RAB11FIP4: variants seen among roughly 807,000 people sequenced by gnomAD.
RAB11FIP4 encodes rab11 family-interacting protein 4.
In RAB11FIP4, 23 loss-of-function variants were observed where a neutral mutation model predicts 74.3. The observed-to-expected ratio is 0.31, with a 90% CI of 0.22 to 0.44. RAB11FIP4 has a LOEUF of 0.44. Among genes scored for constraint, RAB11FIP4 ranks in the 20% least tolerant of loss-of-function variants. RAB11FIP4 has a pLI of 1.00. For missense variants in RAB11FIP4, 630 were observed against 863.9 expected, an observed-to-expected ratio of 0.73 and a Z score of 3.39; for synonymous variants, 360 against 359.9, an observed-to-expected ratio of 1.00 and a Z score of 0.00.
intron 2 of RAB11FIP4, among the ~76,000 whole-genome samples, chr17:31,433,791 CCT>C (rs1484767089): frequency 1.1e-4 from 16 of 152,214 alleles, no homozygotes; most frequent in Admixed American, 1.0e-3. Context: ...CCCAGCCTGC[CCT>C]CTGTGTGTGG....
chr17:31,468,741 A>G lies in RAB11FIP4; in HGVS notation c.336+34619A>G, dbSNP rs191715589. Among the ~76,000 whole-genome samples, 109 of 152,114 alleles carry G rather than the reference A, an allele frequency of 7.2e-4. 2 individuals are homozygous for G. In the East Asian group the frequency reaches 0.02, roughly 28 times the overall value. On this transcript the variant is annotated intron_variant, in intron 3 of 14. Coordinates refer to ENST00000621161, the MANE Select transcript of RAB11FIP4 (RefSeq NM_032932.6). ...GCTACTCAGGAGGCTGAGGCAGGAG[A>G]ATCGCTTGAACCCAGGAGGCGGAGG...
At position 31,532,446 on chromosome 17, in the gene RAB11FIP4, G is replaced by A. The variant is rs7221407; in HGVS notation, c.*714G>A. The A allele has an allele frequency of 0.1, 15,842 of 152,614 alleles. 1,189 individuals carry two copies. The highest frequency in any genetic ancestry group is 0.22 in the African/African-American group (9,004 of 41,468). 9.5% of individuals were successfully genotyped at this position (152,614 alleles called of 1,614,324 possible). A position where few individuals can be genotyped will look rare whatever the true frequency, so the allele number is the denominator to read the frequency against. Reference sequence around the variant, plus strand: ...CCCCATCCATGCTACCTACCTCCCCGTTTCTGTTTCAGTTTTAAGACAATG... The same window carrying A: ...CCCCATCCATGCTACCTACCTCCCCATTTCTGTTTCAGTTTTAAGACAATG... On this transcript the variant is annotated 3_prime_UTR_variant, in exon 15 of 15. Transcript: ENST00000621161.
chr17:31,425,549 A>G (rs887888898), intron 1 of RAB11FIP4, among the ~76,000 whole-genome samples: 15 of 152,222 alleles, frequency 9.9e-5, no homozygotes, highest in African/African-American at 3.6e-4. Context: ...ATCTGGTCTG[A>G]GCTAGAAGAG....
chr17:31,496,561 T>C (rs996743465), intron 3 of RAB11FIP4, among the ~76,000 whole-genome samples: 7 of 152,182 alleles, frequency 4.6e-5, no homozygotes, highest in Non-Finnish European at 1.0e-4. Flanking sequence ...TTTGCCTGAG[T>C]TTTCATTTTC....
At chr17:31,501,558 T>G (rs1334588230) in intron 3 of RAB11FIP4, among the ~76,000 whole-genome samples, 2 of 152,196 alleles carry the variant, frequency 1.3e-5, no homozygotes, top group Non-Finnish European at 2.9e-5. Context: ...AGATGGAGTC[T>G]GGCTCTGTTG....
intron 13 of RAB11FIP4, among the ~76,000 whole-genome samples, chr17:31,529,019 T>A (rs1220425038): frequency 6.6e-6 from 1 of 151,840 alleles, no homozygotes; most frequent in Non-Finnish European, 1.5e-5. Flanking sequence ...GGGTGGAGGA[T>A]GAGACCATAC....
rs895894579 is a variant in RAB11FIP4 at position 31,536,981 on chromosome 17, G to A, written c.*5249G>A. ...TCTGTAAGGTAGAGATGTCTGCCCC[G>A]GAGCTACCAGCTGGGGATGGCATCC... On this transcript the variant is annotated 3_prime_UTR_variant, in exon 15 of 15. Transcript: ENST00000621161. 3 of 398,962 alleles carry A rather than the reference G, an allele frequency of 7.5e-6. No individual in the cohort carries two copies. Among genetic ancestry groups the A allele is most frequent in the Admixed American group, 4.4e-5 (1 of 22,710 alleles). 24.7% of individuals were successfully genotyped at this position (398,962 alleles called of 1,614,324 possible).
At chr17:31,489,064 C>G (rs746735586) in intron 3 of RAB11FIP4, among the ~76,000 whole-genome samples, 1 of 152,242 alleles carries the variant, frequency 6.6e-6, no homozygotes, top group Non-Finnish European at 1.5e-5. Flanking sequence ...TCACTCGCCC[C>G]GAGGGCCATG....
chr17:31,399,571 G>A (rs933668755), intron 1 of RAB11FIP4, among the ~76,000 whole-genome samples: 1 of 151,708 alleles, frequency 6.6e-6, no homozygotes, highest in Non-Finnish European at 1.5e-5. Context: ...AAATTAGCCG[G>A]GCGTGGTGGC....
At chr17:31,412,693 C>G (rs542128596) in intron 1 of RAB11FIP4, among the ~76,000 whole-genome samples, 1 of 152,190 alleles carries the variant, frequency 6.6e-6, no homozygotes, top group Non-Finnish European at 1.5e-5. Context: ...CTGGCTAGAC[C>G]TGGCCCAGGA....
At chr17:31,429,103 T>C (rs114293264) in intron 1 of RAB11FIP4, among the ~76,000 whole-genome samples, 2,463 of 152,214 alleles carry the variant, frequency 0.016, 74 homozygotes, top group African/African-American at 0.056. Flanking sequence ...TGGAGAGGAT[T>C]GTAGGTGTGA....
chr17:31,500,526 C>G (rs879537947), intron 3 of RAB11FIP4, among the ~76,000 whole-genome samples: 1 of 152,216 alleles, frequency 6.6e-6, no homozygotes, highest in African/African-American at 2.4e-5. Flanking sequence ...GTGTGAGGGC[C>G]TGTGGCTCCA....
intron 3 of RAB11FIP4, among the ~76,000 whole-genome samples, chr17:31,485,581 G>A (rs2071892746): frequency 6.6e-6 from 1 of 152,186 alleles, no homozygotes; most frequent in African/African-American, 2.4e-5. Flanking sequence ...AAGGGAAGAA[G>A]GGAAACCAAG....
chr17:31,403,328 CTT>C (rs565010724), intron 1 of RAB11FIP4, among the ~76,000 whole-genome samples: 2 of 146,722 alleles, frequency 1.4e-5, no homozygotes. Context: ...TTCTTTCTTT[CTT>C]TTTTTTTTTT....
chr17:31,529,402 A>G (rs1471014915), intron 13 of RAB11FIP4, among the ~76,000 whole-genome samples: 1 of 152,082 alleles, frequency 6.6e-6, no homozygotes, highest in Non-Finnish European at 1.5e-5. Context: ...AGTTAGGACT[A>G]CAGGAGAGCA....
At chr17:31,511,258 C>T (rs549787240) in intron 3 of RAB11FIP4, among the ~76,000 whole-genome samples, 17 of 152,248 alleles carry the variant, frequency 1.1e-4, no homozygotes, top group South Asian at 8.3e-4. Flanking sequence ...TCCTTAACGC[C>T]ACCCCGCGCC....
intron 3 of RAB11FIP4, among the ~76,000 whole-genome samples, chr17:31,452,643 C>A (rs1281173972): frequency 6.6e-6 from 1 of 152,144 alleles, no homozygotes; most frequent in Non-Finnish European, 1.5e-5. Flanking sequence ...CATGGGACCA[C>A]GCGGAAAGAG....
intron 11 of RAB11FIP4, 106 bp from the exon 12 acceptor site, chr17:31,528,300 T>C (rs2072803251): frequency 1.5e-6 from 2 of 1,294,614 alleles, no homozygotes; most frequent in Non-Finnish European, 2.1e-6. Context: ...GGTTTCACTG[T>C]GCATCTGCCT....
chr17:31,484,949 C>T (rs541986976), intron 3 of RAB11FIP4, among the ~76,000 whole-genome samples: 1 of 152,326 alleles, frequency 6.6e-6, no homozygotes, highest in South Asian at 2.1e-4. Context: ...GTTCATTTAG[C>T]AACAAGGTGG....
Sources: gnomAD v4.1 joint callset for allele counts (sites outside exome capture counted in the v4.1 genomes callset) on GRCh38, gnomAD v4.1.1 for gene constraint, MANE v1.5 for transcripts, NCBI Gene and HGNC (gene_info 2026-07-23, HGNC 2026-07-21) for gene names.